ADGRD1: variants seen among roughly 807,000 people sequenced by gnomAD.
ADGRD1 encodes the protein adhesion G protein-coupled receptor D1.
ADGRD1 carries 77 observed loss-of-function variants against 113.4 expected under a neutral mutation model. That is an observed-to-expected ratio of 0.68 (90% CI 0.57 to 0.82). The LOEUF is 0.82. Among genes scored for constraint, ADGRD1 ranks in the 40% least tolerant of loss-of-function variants. The probability of loss-of-function intolerance (pLI) is 0.00; values close to 1 mark genes in which losing one functional copy is unlikely to be tolerated. For missense variants in ADGRD1, 1,036 were observed against 1,139.1 expected (o/e 0.91, Z 1.30); for synonymous variants, 474 against 475.0 (o/e 1.00, Z 0.03).
intron 12 of ADGRD1, among the ~76,000 whole-genome samples, chr12:131,006,681 G>T (rs1473279495): frequency 6.6e-6 from 1 of 151,794 alleles, no homozygotes; most frequent in African/African-American, 2.4e-5. Context: ...GAGGGGGGCG[G>T]CGAGGCTGGG....
chr12:131,094,999 C>A (rs951500217), intron 15 of ADGRD1, among the ~76,000 whole-genome samples: 2 of 151,768 alleles, frequency 1.3e-5, no homozygotes, highest in African/African-American at 4.8e-5. Flanking sequence ...TCCCTCGAGA[C>A]GCCCCCTCTC....
Position 130,954,574 on chromosome 12 carries a change from T to C in ADGRD1, c.66+43T>C. 6.2e-7 allele frequency: 1 copy of C among 1,613,944 alleles called. No homozygotes were observed. On this transcript the variant is annotated intron_variant, in intron 1 of 24. Transcript: ENST00000261654. The surrounding 1 kb of genome is among the most constrained non-coding windows in gnomAD (Gnocchi z 4.7). Reference sequence around the variant, plus strand: ...CCAGGATGGCGACAGGCTTGGTTTCTCCGGAGGCTTTCCCTGAGTGTGTCT... The same window carrying C: ...CCAGGATGGCGACAGGCTTGGTTTCCCCGGAGGCTTTCCCTGAGTGTGTCT...
At chr12:131,002,818 T>A in intron 9 of ADGRD1, 1 of 1,235,958 alleles carries the variant, frequency 8.1e-7, no homozygotes, top group Middle Eastern at 2.7e-4. Flanking sequence ...GATCAGCCCC[T>A]CCTCGTGAAG....
rs57744703 is a variant in ADGRD1 at position 131,003,826 on chromosome 12, G to A, written c.1145-360G>A. ...TTAGTTTAGTCGCAGTTTGTTGGCC[G>A]TGTTGCCCTCGCCTGCTGCGCTTGG... On this transcript the variant is annotated intron_variant, in intron 10 of 24. Coordinates refer to ENST00000261654, the MANE Select transcript of ADGRD1 (RefSeq NM_198827.5). This position sits in a 1 kb window ranked among gnomAD's most constrained non-coding sequence, Gnocchi z 4.8. Among the ~76,000 whole-genome samples, 11,289 of 152,244 alleles carry A rather than the reference G, an allele frequency of 0.074. 857 individuals carry two copies. Among genetic ancestry groups the A allele is most frequent in the African/African-American group, 0.2 (8,393 of 41,512 alleles).
At position 131,095,610 on chromosome 12, in the gene ADGRD1, T is replaced by C. The variant is rs531520087; in HGVS notation, c.1672-9221T>C. 2.6e-5 allele frequency among the ~76,000 whole-genome samples: 4 copies of C among 152,296 alleles called. No individual in the cohort carries two copies. In the East Asian group the frequency reaches 5.8e-4, roughly 22 times the overall value. On this transcript the variant is annotated intron_variant, in intron 15 of 24. Transcript: ENST00000261654. ...CTGGGAACATGGTCAGGGGCCAGAC[T>C]GGACGTTCCCAGGGCAGATGGACGC... is the stretch of plus-strand genomic sequence containing the variant.
rs1468893050 is a variant in ADGRD1 at position 131,047,531 on chromosome 12, C to CA, written c.1474-29269dup. On this transcript the variant is annotated intron_variant, in intron 13 of 24. Coordinates refer to ENST00000261654, the MANE Select transcript of ADGRD1 (RefSeq NM_198827.5). Reference sequence around the variant, plus strand: ...AGGTCAGCAGCCTGGTGAGAGGAGCCATAGAGGCAGTGACATAATGTGCAA... The same window carrying CA: ...AGGTCAGCAGCCTGGTGAGAGGAGCCAATAGAGGCAGTGACATAATGTGCAA... 2.6e-5 allele frequency among the ~76,000 whole-genome samples: 4 copies of CA among 152,296 alleles called. No individual in the cohort carries two copies. The East Asian group carries it at 7.7e-4, about 29-fold the overall frequency.
intron 5 of ADGRD1, among the ~76,000 whole-genome samples, chr12:130,985,003 C>T (rs10773835): frequency 0.81 from 122,560 of 151,774 alleles, 50,515 homozygotes; most frequent in East Asian, 0.94. Flanking sequence ...GGTGCAATCA[C>T]AGCTTACTGC....
chr12:131,130,911 C>T (rs911316560), intron 20 of ADGRD1, among the ~76,000 whole-genome samples: 7 of 152,212 alleles, frequency 4.6e-5, no homozygotes, highest in Non-Finnish European at 7.3e-5. Flanking sequence ...TGTTCATTGC[C>T]TGAAAGTTCG....
chr12:130,992,548 G>C (rs1874559475), intron 8 of ADGRD1, 156 bp downstream of exon 8: 5 of 638,154 alleles, frequency 7.8e-6, no homozygotes, highest in African/African-American at 3.6e-5. Flanking sequence ...CAGCTGGTGT[G>C]GCCCTCCTGG....
At chr12:130,958,345 G>A (rs1048704234) in intron 2 of ADGRD1, among the ~76,000 whole-genome samples, 1 of 151,848 alleles carries the variant, frequency 6.6e-6, no homozygotes, top group African/African-American at 2.4e-5. Flanking sequence ...GACTACAGGC[G>A]CCCGTGACCA....
At chr12:130,993,330 C>T (rs1011432944) in intron 8 of ADGRD1, among the ~76,000 whole-genome samples, 2 of 151,698 alleles carry the variant, frequency 1.3e-5, no homozygotes, top group Admixed American at 1.3e-4. Context: ...GGAGGTTGCC[C>T]TCAGCTTTTC....
intron 8 of ADGRD1, among the ~76,000 whole-genome samples, chr12:130,997,734 A>G (rs1875773302): frequency 6.7e-6 from 1 of 149,448 alleles, no homozygotes; most frequent in South Asian, 2.2e-4. Flanking sequence ...GCAGCCAGGC[A>G]GAGGGGCTCC....
chr12:130,972,646 G>C (rs1421521420), intron 4 of ADGRD1, among the ~76,000 whole-genome samples: 1 of 152,076 alleles, frequency 6.6e-6, no homozygotes, highest in Non-Finnish European at 1.5e-5. Flanking sequence ...TGGGCTCGGC[G>C]TGAGCTCGGT....
intron 8 of ADGRD1, among the ~76,000 whole-genome samples, chr12:130,999,303 G>A (rs572755846): frequency 3.5e-4 from 54 of 152,332 alleles, no homozygotes; most frequent in African/African-American, 1.3e-3. Context: ...TGTGACACAG[G>A]GCGTGACCCA....
chr12:131,100,010 T>C (rs1340303524), intron 15 of ADGRD1, among the ~76,000 whole-genome samples: 2 of 151,906 alleles, frequency 1.3e-5, no homozygotes, highest in African/African-American at 4.8e-5. Context: ...AAGATAGGGT[T>C]GGTTGACAGT....
At chr12:131,114,003 GCA>G (rs1188835895) in intron 18 of ADGRD1, among the ~76,000 whole-genome samples, 1 of 152,176 alleles carries the variant, frequency 6.6e-6, no homozygotes, top group Non-Finnish European at 1.5e-5. Context: ...GCACACACAC[GCA>G]CACACACTCA....
At chr12:131,008,935 G>A (rs537168745) in intron 12 of ADGRD1, among the ~76,000 whole-genome samples, 3 of 152,322 alleles carry the variant, frequency 2.0e-5, no homozygotes, top group South Asian at 2.1e-4. Context: ...AGAGTGACAC[G>A]GAGCACCGAT....
intron 2 of ADGRD1, chr12:130,957,366 TAC>T (rs1423893650): frequency 6.6e-6 from 1 of 152,178 alleles, no homozygotes; most frequent in Non-Finnish European, 1.5e-5. Flanking sequence ...CGCACATCTC[TAC>T]ACACATGCAC....
chr12:131,038,902 G>A (rs929826724), intron 13 of ADGRD1, among the ~76,000 whole-genome samples: 9 of 152,350 alleles, frequency 5.9e-5, no homozygotes, highest in Admixed American at 1.3e-4. Flanking sequence ...AGACTAGGTC[G>A]CAGGCCGACA....
Sources: allele counts gnomAD v4.1 joint callset (sites outside exome capture counted in the v4.1 genomes callset), GRCh38; gene constraint gnomAD v4.1.1; non-coding constraint Gnocchi (gnomAD v3.1); transcripts MANE v1.5; gene names NCBI Gene and HGNC (gene_info 2026-07-23, HGNC 2026-07-21).